SYNPR: variants seen among roughly 807,000 people sequenced by gnomAD.
SYNPR encodes the protein synaptoporin.
SYNPR carries 23 observed loss-of-function variants against 32.9 expected under a neutral mutation model. The observed-to-expected ratio is 0.70, with a 90% confidence interval of 0.50 to 0.99. SYNPR has a LOEUF of 0.99. Among genes scored for constraint, SYNPR ranks in the 50% least tolerant of loss-of-function variants. SYNPR has a pLI of 0.00. For missense variants in SYNPR, 318 were observed against 349.3 expected (o/e 0.91, Z 0.71); for synonymous variants, 146 against 135.9 (o/e 1.07, Z -0.52).
chr3:63,562,890 G>A (rs373979841), intron 4 of SYNPR, among the ~76,000 whole-genome samples: 16 of 152,110 alleles, frequency 1.1e-4, no homozygotes, highest in Non-Finnish European at 1.9e-4. Flanking sequence ...GTTACTTCAC[G>A]TATAGAATAG....
intron 2 of SYNPR, among the ~76,000 whole-genome samples, chr3:63,266,199 G>A (rs1442540177): frequency 2.6e-5 from 4 of 152,002 alleles, no homozygotes; most frequent in Non-Finnish European, 5.9e-5. Flanking sequence ...AGTTGGCACA[G>A]GAAAGAGAAG....
chr3:63,614,126 C>T (rs1002120819), intron 5 of SYNPR, among the ~76,000 whole-genome samples: 8 of 152,206 alleles, frequency 5.3e-5, no homozygotes, highest in African/African-American at 1.9e-4. Flanking sequence ...GCACCCTACT[C>T]CAGGACCGTG....
At chr3:63,357,736 C>G (rs1331158682) in intron 2 of SYNPR, among the ~76,000 whole-genome samples, 1 of 152,130 alleles carries the variant, frequency 6.6e-6, no homozygotes, top group Non-Finnish European at 1.5e-5. Flanking sequence ...TTGGGCCTTA[C>G]TCCTAAAATT....
chr3:63,413,088 TTTA>T (rs1308010442), intron 2 of SYNPR, among the ~76,000 whole-genome samples: 1 of 152,226 alleles, frequency 6.6e-6, no homozygotes, highest in East Asian at 1.9e-4. Context: ...ACTATTATAC[TTTA>T]TTCTTTTTAT....
intron 1 of SYNPR, among the ~76,000 whole-genome samples, chr3:63,228,965 AC>A (rs1192898535): frequency 5.9e-5 from 9 of 152,152 alleles, no homozygotes; most frequent in Admixed American, 3.3e-4. Context: ...ACAGAAAAAA[AC>A]ATTTAGATGT....
intron 2 of SYNPR, among the ~76,000 whole-genome samples, chr3:63,293,720 T>G (rs529038495): frequency 1.4e-4 from 21 of 152,266 alleles, no homozygotes; most frequent in African/African-American, 4.6e-4. Flanking sequence ...CTGGCAATAT[T>G]TGGTGTTCCT....
chr3:63,446,527 A>G (rs1478844899), intron 2 of SYNPR, among the ~76,000 whole-genome samples: 2 of 152,156 alleles, frequency 1.3e-5, no homozygotes, highest in Admixed American at 1.3e-4. Context: ...TGGATTTTAT[A>G]GGGGGAAAAT....
chr3:63,319,549 T>G (rs2087085818), intron 2 of SYNPR, among the ~76,000 whole-genome samples: 1 of 151,956 alleles, frequency 6.6e-6, no homozygotes, highest in Non-Finnish European at 1.5e-5. Flanking sequence ...ATAAACTACC[T>G]AGGAATAAAC....
At chr3:63,210,805 C>A in the SYNPR span, among the ~76,000 whole-genome samples, 1 of 145,408 alleles carries the variant, frequency 6.9e-6, no homozygotes, top group African/African-American at 2.8e-5. Context: ...CCCTTCCTTC[C>A]TTCCTTCCTT....
chr3:63,208,962 G>A, the SYNPR span, among the ~76,000 whole-genome samples: 1 of 151,980 alleles, frequency 6.6e-6, no homozygotes, highest in East Asian at 1.9e-4. Context: ...CACTTTTATA[G>A]TATCCACAGG....
chr3:63,472,128 A>C (rs1037786447), intron 2 of SYNPR, among the ~76,000 whole-genome samples: 2 of 152,228 alleles, frequency 1.3e-5, no homozygotes, highest in Non-Finnish European at 2.9e-5. Flanking sequence ...TGTAGCCCTC[A>C]TCTGACTTTC....
chr3:63,200,994 G>A, the SYNPR span, among the ~76,000 whole-genome samples: 4 of 152,068 alleles, frequency 2.6e-5, no homozygotes, highest in Non-Finnish European at 5.9e-5. Context: ...TGCCATTCCT[G>A]TTTAATCTGG....
intron 2 of SYNPR, among the ~76,000 whole-genome samples, chr3:63,360,036 C>T (rs192774394): frequency 3.2e-4 from 48 of 152,174 alleles, no homozygotes; most frequent in Non-Finnish European, 4.3e-4. Flanking sequence ...CACTGCTTTT[C>T]TCCTGAAAAT....
chr3:63,201,329 C>A, the SYNPR span, among the ~76,000 whole-genome samples: 1 of 152,150 alleles, frequency 6.6e-6, no homozygotes, highest in Admixed American at 6.6e-5. Flanking sequence ...TCATTCTGGG[C>A]AAAGTCATCT....
intron 2 of SYNPR, among the ~76,000 whole-genome samples, chr3:63,429,031 C>T (rs760062787): frequency 3.9e-5 from 6 of 152,094 alleles, no homozygotes; most frequent in South Asian, 2.1e-4. Flanking sequence ...CACACATGAA[C>T]GAGAACTGGA....
intron 4 of SYNPR, among the ~76,000 whole-genome samples, chr3:63,589,640 G>C (rs1012847847): frequency 9.9e-5 from 15 of 151,178 alleles, no homozygotes; most frequent in Admixed American, 7.9e-4. Flanking sequence ...GGGATGCAAG[G>C]CTGGTTCAAT....
intron 3 of SYNPR, among the ~76,000 whole-genome samples, chr3:63,492,311 C>T (rs183860269): frequency 4.1e-4 from 63 of 152,226 alleles, no homozygotes; most frequent in Non-Finnish European, 6.9e-4. Context: ...ACCTCAGTTT[C>T]CTACAAAATG....
intron 2 of SYNPR, among the ~76,000 whole-genome samples, chr3:63,472,580 T>A (rs1023563585): frequency 1.3e-5 from 2 of 152,178 alleles, no homozygotes; most frequent in African/African-American, 4.8e-5. Flanking sequence ...CTTCATATAT[T>A]TGCTTACTCA....
At chr3:63,411,076 G>A (rs954642065) in intron 2 of SYNPR, among the ~76,000 whole-genome samples, 1 of 152,148 alleles carries the variant, frequency 6.6e-6, no homozygotes, top group African/African-American at 2.4e-5. Context: ...ATGAGCTGCA[G>A]TCAGCTTCTG....
Sources: gnomAD v4.1 joint callset for allele counts (sites outside exome capture counted in the v4.1 genomes callset) on GRCh38, gnomAD v4.1.1 for gene constraint, MANE v1.5 for transcripts, NCBI Gene and HGNC (gene_info 2026-07-23, HGNC 2026-07-21) for gene names.